R3HDM1: variants seen among roughly 807,000 people sequenced by gnomAD.
R3HDM1 encodes the protein R3H domain containing 1, also known as R3H domain-containing protein 1.
In R3HDM1, 46 loss-of-function variants were observed where a neutral mutation model predicts 141.1. That is an observed-to-expected ratio of 0.33 (90% CI 0.26 to 0.42). The LOEUF (loss-of-function observed/expected upper bound fraction) is 0.42. Among genes scored for constraint, R3HDM1 ranks in the 10% least tolerant of loss-of-function variants. The pLI, the probability that R3HDM1 is intolerant of heterozygous loss-of-function variation, is 1.00. For synonymous variants in R3HDM1, 435 were observed against 472.9 expected, an observed-to-expected ratio of 0.92 and a Z score of 1.04; for missense variants, 1,184 against 1,368.3, an observed-to-expected ratio of 0.87 and a Z score of 2.12.
intron 17 of R3HDM1, chr2:135,651,482 C>G (rs1035365116): frequency 2.1e-6 from 2 of 965,534 alleles, no homozygotes; most frequent in Non-Finnish European, 2.5e-6. Context: ...ATGTTGTACC[C>G]TACTCTTTTC....
chr2:135,683,576 A>G (rs1254681977), intron 21 of R3HDM1, among the ~76,000 whole-genome samples: 4 of 144,546 alleles, frequency 2.8e-5, no homozygotes, highest in African/African-American at 1.1e-4. Flanking sequence ...AAAAAAATTC[A>G]TTAAAGATCT....
chr2:135,695,793 C>G (rs1321457000), intron 21 of R3HDM1, among the ~76,000 whole-genome samples: 1 of 152,158 alleles, frequency 6.6e-6, no homozygotes, highest in Non-Finnish European at 1.5e-5. Context: ...CACACAAAAG[C>G]TGAATTAATT....
chr2:135,692,340 C>T (rs1027785816), intron 21 of R3HDM1, among the ~76,000 whole-genome samples: 9 of 152,144 alleles, frequency 5.9e-5, no homozygotes, highest in Admixed American at 2.6e-4. Flanking sequence ...TGGCTCACGT[C>T]TGTAATCCCA....
intron 23 of R3HDM1, among the ~76,000 whole-genome samples, chr2:135,714,119 T>C (rs1255880687): frequency 1.3e-5 from 2 of 152,002 alleles, no homozygotes; most frequent in Admixed American, 1.3e-4. Flanking sequence ...CCCTACAAGA[T>C]ACTTAAAACT....
chr2:135,563,635 AC>A (rs1702200310), intron 1 of R3HDM1, among the ~76,000 whole-genome samples: 3 of 152,160 alleles, frequency 2.0e-5, no homozygotes, highest in Admixed American at 6.5e-5. Flanking sequence ...TGCGGTAAAT[AC>A]CCAAAGCCCA....
At chr2:135,565,770 A>G (rs1573870470) in intron 1 of R3HDM1, 1 of 152,376 alleles carries the variant, frequency 6.6e-6, no homozygotes, top group East Asian at 1.9e-4. Flanking sequence ...ACTGCCTTGT[A>G]CAATAAAAAG....
chr2:135,545,122 A>G (rs1167207737), intron 1 of R3HDM1, among the ~76,000 whole-genome samples: 3 of 152,226 alleles, frequency 2.0e-5, no homozygotes, highest in East Asian at 1.9e-4. Flanking sequence ...TATTATTCCA[A>G]TGGTAATTTT....
chr2:135,682,309 G>A (rs1010821741), intron 21 of R3HDM1, among the ~76,000 whole-genome samples: 1 of 151,966 alleles, frequency 6.6e-6, no homozygotes, highest in African/African-American at 2.4e-5. Flanking sequence ...CATAAGGGAA[G>A]GATATCAAGC....
chr2:135,645,561 G>C, intron 16 of R3HDM1, 34 bp downstream of exon 16: 4 of 1,602,694 alleles, frequency 2.5e-6, no homozygotes, highest in Non-Finnish European at 3.4e-6. Flanking sequence ...ATGCTAAGTT[G>C]ACTTGCCTTT....
chr2:135,572,192 A>C (rs996344249), intron 1 of R3HDM1, among the ~76,000 whole-genome samples: 1 of 152,042 alleles, frequency 6.6e-6, no homozygotes, highest in Non-Finnish European at 1.5e-5. Flanking sequence ...TCCTGACCTC[A>C]AGTGACCCAA....
At chr2:135,563,137 A>G (rs1341832029) in intron 1 of R3HDM1, among the ~76,000 whole-genome samples, 1 of 152,154 alleles carries the variant, frequency 6.6e-6, no homozygotes, top group African/African-American at 2.4e-5. Flanking sequence ...TACCCCTTGC[A>G]ACTAACAAGT....
intron 21 of R3HDM1, among the ~76,000 whole-genome samples, chr2:135,702,672 T>C (rs1429835534): frequency 7.2e-6 from 1 of 138,556 alleles, no homozygotes; most frequent in Non-Finnish European, 1.5e-5. Context: ...AAAAAAAATA[T>C]CAGGCATGGT....
rs537987632 is a variant in R3HDM1 at position 135,542,972 on chromosome 2, A to T, written c.-250+11339A>T. Among the ~76,000 whole-genome samples the T allele has an allele frequency of 3.3e-5, 5 of 152,272 alleles. No individual in the cohort carries two copies. The South Asian group carries it at 1.0e-3, about 32-fold the overall frequency. ...GGCTGGTCTCAAGCTCCTGACCTCA[A>T]GTGATCTGCCTGCCTCAGGCCTCCC... On this transcript the variant is annotated intron_variant, in intron 1 of 26. Transcript: ENST00000683871.
chr2:135,690,823 G>A (rs2072256141), intron 21 of R3HDM1, among the ~76,000 whole-genome samples: 1 of 152,064 alleles, frequency 6.6e-6, no homozygotes, highest in Admixed American at 6.6e-5. Context: ...TGTTAAAGGA[G>A]AAGGGAAGAG....
intron 1 of R3HDM1, among the ~76,000 whole-genome samples, chr2:135,545,016 A>C (rs1274435994): frequency 6.6e-6 from 1 of 152,250 alleles, no homozygotes; most frequent in East Asian, 1.9e-4. Context: ...AAAATTAATA[A>C]AATGTAAATA....
chr2:135,577,838 C>CAA (rs541600763), intron 1 of R3HDM1, among the ~76,000 whole-genome samples: 21 of 62,824 alleles, frequency 3.3e-4, no homozygotes, highest in South Asian at 1.3e-3. Flanking sequence ...AACTTCATCT[C>CAA]AAAAAAAAAA....
intron 9 of R3HDM1, among the ~76,000 whole-genome samples, chr2:135,635,188 G>T (rs547012942): frequency 1.4e-4 from 22 of 152,308 alleles, no homozygotes; most frequent in African/African-American, 4.1e-4. Context: ...GATGCACTTT[G>T]AAGTAGTCTG....
chr2:135,713,634 A>G (rs566895364), intron 23 of R3HDM1, among the ~76,000 whole-genome samples: 1 of 152,316 alleles, frequency 6.6e-6, no homozygotes, highest in East Asian at 1.9e-4. Flanking sequence ...TAAGTGTGTA[A>G]TACTGAAAAG....
intron 21 of R3HDM1, among the ~76,000 whole-genome samples, chr2:135,703,511 T>TATATA (rs1418784970): frequency 5.9e-5 from 9 of 152,214 alleles, no homozygotes; most frequent in Non-Finnish European, 1.2e-4. Context: ...CTCACCATTT[T>TATATA]ATCTTAGCTG....
Sources: allele counts gnomAD v4.1 joint callset (sites outside exome capture counted in the v4.1 genomes callset), GRCh38; gene constraint gnomAD v4.1.1; transcripts MANE v1.5; gene names NCBI Gene and HGNC (gene_info 2026-07-23, HGNC 2026-07-21).